Variants in OSBPL1A observed in about 807,000 individuals in gnomAD.
OSBPL1A encodes the protein oxysterol-binding protein-related protein 1.
Under a neutral mutation model 137.1 loss-of-function variants are expected in OSBPL1A, and 80 were observed. The ratio of observed to expected loss-of-function variants is 0.58; its 90% CI spans 0.49 to 0.70. The LOEUF is 0.70. Ranked by LOEUF, OSBPL1A falls within the 30% of genes least tolerant of loss-of-function variation. OSBPL1A has a pLI of 0.00. For missense variants in OSBPL1A, 970 were observed against 1,129.4 expected (o/e 0.86, Z 2.02); for synonymous variants, 365 against 389.7 (o/e 0.94, Z 0.75).
At chr18:24,244,856 A>G (rs1276823361) in intron 15 of OSBPL1A, among the ~76,000 whole-genome samples, 1 of 152,248 alleles carries the variant, frequency 6.6e-6, no homozygotes, top group African/African-American at 2.4e-5. Flanking sequence ...CAGGGGTTAC[A>G]TAAGGCAGAG....
chr18:24,179,862 CA>C (rs1432937938), intron 19 of OSBPL1A, 27 bp from the exon 20 acceptor site: 1 of 1,577,260 alleles, frequency 6.3e-7, no homozygotes, highest in Non-Finnish European at 8.7e-7. Context: ...GAGAACAAGT[CA>C]AAAATAGCCG....
chr18:24,195,937 A>G (rs1171130861), intron 18 of OSBPL1A, 188 bp downstream of exon 18: 2 of 559,754 alleles, frequency 3.6e-6, no homozygotes, highest in Admixed American at 6.5e-5. Context: ...AATGCACACT[A>G]AAGCCATTAG....
chr18:24,303,606 G>T (rs761622958), intron 14 of OSBPL1A, 31 bp downstream of exon 14: 9 of 1,556,400 alleles, frequency 5.8e-6, no homozygotes, highest in Non-Finnish European at 8.0e-6. Context: ...GTGTTAAAGA[G>T]TGATTGTAGG....
At chr18:24,383,029 C>T (rs1906714168) in intron 1 of OSBPL1A, among the ~76,000 whole-genome samples, 2 of 152,096 alleles carry the variant, frequency 1.3e-5, no homozygotes, top group Admixed American at 1.3e-4. Flanking sequence ...GAAAAGATAT[C>T]AGGATGTCAA....
chr18:24,272,569 G>T (rs1353946555), intron 15 of OSBPL1A, among the ~76,000 whole-genome samples: 2 of 152,166 alleles, frequency 1.3e-5, no homozygotes, highest in African/African-American at 4.8e-5. Flanking sequence ...ACTTAAGTGG[G>T]ATGTTCAGGT....
At chr18:24,263,802 A>AT (rs201124872) in intron 15 of OSBPL1A, among the ~76,000 whole-genome samples, 2,324 of 152,006 alleles carry the variant, frequency 0.015, 65 homozygotes, top group African/African-American at 0.052. Context: ...CACCTGGCTA[A>AT]TTTTTTTGTA....
At position 24,294,978 on chromosome 18, in the gene OSBPL1A, G is replaced by A. The variant is rs549701781; in HGVS notation, c.1174+8659C>T. 1.8e-4 allele frequency among the ~76,000 whole-genome samples: 28 copies of A among 152,220 alleles called. No homozygotes were observed. The East Asian group carries it at 5.4e-3, about 29-fold the overall frequency. On this transcript the variant is annotated intron_variant, in intron 14 of 27. Transcript: ENST00000319481. ...TAGTAGATCTACTTTTAGTTCTTTA[G>A]GGAATCTCCATACTGTTCTCCATAG...
chr18:24,245,281 C>T (rs918372127), intron 15 of OSBPL1A, among the ~76,000 whole-genome samples: 1 of 151,648 alleles, frequency 6.6e-6, no homozygotes, highest in Non-Finnish European at 1.5e-5. Flanking sequence ...TCGGCAGAGA[C>T]GGGTCTCCCT....
intron 26 of OSBPL1A, among the ~76,000 whole-genome samples, chr18:24,165,649 G>C (rs2086128533): frequency 6.6e-6 from 1 of 152,306 alleles, no homozygotes; most frequent in African/African-American, 2.4e-5. Flanking sequence ...GCCTAGTGTG[G>C]GAGAGGATGA....
At chr18:24,352,131 C>G (rs2091450619) in intron 4 of OSBPL1A, among the ~76,000 whole-genome samples, 1 of 152,008 alleles carries the variant, frequency 6.6e-6, no homozygotes, top group Admixed American at 6.6e-5. Context: ...CATGGCAAAA[C>G]CTCGTCTCTA....
chr18:24,168,369 G>C (rs2086193479), intron 24 of OSBPL1A, among the ~76,000 whole-genome samples: 1 of 152,136 alleles, frequency 6.6e-6, no homozygotes, highest in Non-Finnish European at 1.5e-5. Flanking sequence ...ACATTCTTGG[G>C]GAAGTCAACT....
At chr18:24,320,411 G>A (rs550527951) in intron 7 of OSBPL1A, among the ~76,000 whole-genome samples, 1 of 152,298 alleles carries the variant, frequency 6.6e-6, no homozygotes, top group East Asian at 1.9e-4. Flanking sequence ...GGAGGATGAG[G>A]GGTTGATCAG....
chr18:24,280,795 G>A lies in OSBPL1A; in HGVS notation c.1281+47C>T, dbSNP rs751360266. On this transcript the variant is annotated intron_variant, in intron 15 of 27. Coordinates refer to ENST00000319481, the MANE Select transcript of OSBPL1A (RefSeq NM_080597.4). ...AATGACTTCATGGACAACCACGCAT[G>A]CAACATCCAAACAATTATTTTACAA... 18 of 1,348,222 alleles carry A rather than the reference G, an allele frequency of 1.3e-5. No homozygotes were observed. In the South Asian group the frequency reaches 2.2e-4, roughly 17 times the overall value. The allele number at this position is 1,348,222 out of a possible 1,614,324, so 83.5% of individuals were successfully genotyped here.
At chr18:24,319,243 T>A (rs1002482553) in intron 7 of OSBPL1A, among the ~76,000 whole-genome samples, 8 of 152,178 alleles carry the variant, frequency 5.3e-5, no homozygotes. Context: ...TCTTCCTCCA[T>A]CTCCAAAGCA....
At chr18:24,293,104 C>CAAAAAAAAA (rs1172730345) in intron 14 of OSBPL1A, among the ~76,000 whole-genome samples, 4 of 66,372 alleles carry the variant, frequency 6.0e-5, no homozygotes, top group East Asian at 8.3e-4. Context: ...ACTCCCGTCT[C>CAAAAAAAAA]AAAAAAAAAA....
intron 13 of OSBPL1A, among the ~76,000 whole-genome samples, chr18:24,306,672 GAGC>G (rs2090506754): frequency 6.6e-6 from 1 of 152,102 alleles, no homozygotes; most frequent in South Asian, 2.1e-4. Flanking sequence ...TATCTGGGAA[GAGC>G]AGCAAGGGAA....
chr18:24,259,193 C>T (rs1172047949), intron 15 of OSBPL1A, among the ~76,000 whole-genome samples: 3 of 152,082 alleles, frequency 2.0e-5, no homozygotes. Flanking sequence ...AGGCGAGAGC[C>T]ACCACGCCTG....
At chr18:24,205,106 CA>C (rs1328654789) in intron 17 of OSBPL1A, among the ~76,000 whole-genome samples, 1 of 152,170 alleles carries the variant, frequency 6.6e-6, no homozygotes, top group African/African-American at 2.4e-5. Flanking sequence ...ATTTAATCCT[CA>C]AAGTAATCTT....
intron 15 of OSBPL1A, among the ~76,000 whole-genome samples, chr18:24,245,147 G>A (rs1239087034): frequency 6.6e-6 from 1 of 152,012 alleles, no homozygotes; most frequent in Non-Finnish European, 1.5e-5. Flanking sequence ...ACGCTGGAGT[G>A]CAGGCTCCAT....
Sources: gnomAD v4.1 joint callset for allele counts (sites outside exome capture counted in the v4.1 genomes callset) on GRCh38, gnomAD v4.1.1 for gene constraint, MANE v1.5 for transcripts, NCBI Gene and HGNC (gene_info 2026-07-23, HGNC 2026-07-21) for gene names.